Variants in SLC15A1 observed in about 807,000 individuals in gnomAD.
SLC15A1 encodes Caco-2 oligopeptide transporter.
Under a neutral mutation model 92.9 loss-of-function variants are expected in SLC15A1, and 83 were observed. The ratio of observed to expected loss-of-function variants is 0.89; its 90% confidence interval spans 0.75 to 1.07. The LOEUF (loss-of-function observed/expected upper bound fraction) is 1.07, where lower values mean the gene tolerates loss of function less well. SLC15A1 is among the 50% of genes least tolerant of loss of function. The pLI is 0.00. For missense variants in SLC15A1, 857 were observed against 880.1 expected (o/e 0.97, Z 0.33); for synonymous variants, 322 against 318.2 (o/e 1.01, Z -0.13).
intron 17 of SLC15A1, among the ~76,000 whole-genome samples, chr13:98,703,673 C>T (rs1046158773): frequency 2.0e-5 from 3 of 151,378 alleles, no homozygotes; most frequent in Middle Eastern, 3.4e-3. Flanking sequence ...CCTCGCACCC[C>T]AGCCACCCAA....
At chr13:98,692,739 TTTTA>T (rs2087990310) in intron 18 of SLC15A1, among the ~76,000 whole-genome samples, 1 of 152,050 alleles carries the variant, frequency 6.6e-6, no homozygotes, top group Non-Finnish European at 1.5e-5. Flanking sequence ...GGGTACTAAT[TTTTA>T]TTTATTTGTT....
intron 8 of SLC15A1, among the ~76,000 whole-genome samples, chr13:98,717,979 C>T (rs1345920658): frequency 2.0e-5 from 3 of 151,006 alleles, no homozygotes; most frequent in Non-Finnish European, 2.9e-5. Context: ...ACTAATGTGC[C>T]AATGAATGCC....
chr13:98,744,876 G>A (rs2088480755), intron 1 of SLC15A1, among the ~76,000 whole-genome samples: 1 of 151,564 alleles, frequency 6.6e-6, no homozygotes, highest in Non-Finnish European at 1.5e-5. Context: ...ATAGAATGCT[G>A]TTAAAATATT....
chr13:98,687,778 C>T (rs2139559793), intron 20 of SLC15A1, 54 bp from the exon 21 acceptor site: 1 of 1,595,462 alleles, frequency 6.3e-7, no homozygotes, highest in Non-Finnish European at 8.5e-7. Flanking sequence ...AAAATAAAAA[C>T]TGTTCGAACA....
At chr13:98,743,869 T>C (rs2088469994) in intron 1 of SLC15A1, among the ~76,000 whole-genome samples, 1 of 151,968 alleles carries the variant, frequency 6.6e-6, no homozygotes, top group African/African-American at 2.4e-5. Context: ...CAGAGCAGAC[T>C]CTAGAAGGAG....
intron 4 of SLC15A1, among the ~76,000 whole-genome samples, 197 bp from the exon 5 acceptor site, chr13:98,724,228 G>C (rs4350452): frequency 0.72 from 109,761 of 152,168 alleles, 40,040 homozygotes; most frequent in African/African-American, 0.84. Flanking sequence ...TTTGGGCTAG[G>C]CATGGTGGCT....
chr13:98,704,159 A>G, intron 17 of SLC15A1, 130 bp downstream of exon 17: 1 of 819,606 alleles, frequency 1.2e-6, no homozygotes, highest in Non-Finnish European at 1.8e-6. Flanking sequence ...CTTGTGTTCC[A>G]GAAGAAGGAA....
intron 1 of SLC15A1, among the ~76,000 whole-genome samples, chr13:98,740,403 G>A (rs956751573): frequency 4.6e-5 from 7 of 152,150 alleles, no homozygotes; most frequent in African/African-American, 1.7e-4. Context: ...CTTCCTGCAG[G>A]TGAAGCCCTA....
At position 98,719,310 on chromosome 13, in the gene SLC15A1, A is replaced by C; in HGVS notation, c.567T>G (p.Cys189Trp). 1 of 1,612,766 alleles carries C rather than the reference A, an allele frequency of 6.2e-7. No homozygotes were observed. Among genetic ancestry groups the C allele is most frequent in the African/African-American group, 1.3e-5 (1 of 75,006 alleles). The change falls in exon 8 of 23, where the codon TGT becomes TGG. Residue 189 changes from cysteine (C) to tryptophan (W), a missense_variant. By Grantham distance (215) the Cys-to-Trp change is radical. Transcript: ENST00000376503. ...IITPMLRVQQ[C>W]GIHSKQACYP... Reference sequence around the variant, plus strand: ...AACAAGCTTGTTTACTGTGAATTCCACATTGTTGAACTGGGGAGAAATGAC... The same window carrying C: ...AACAAGCTTGTTTACTGTGAATTCCCCATTGTTGAACTGGGGAGAAATGAC...
chr13:98,729,334 GA>G (rs1446288041), intron 1 of SLC15A1, among the ~76,000 whole-genome samples: 10 of 152,308 alleles, frequency 6.6e-5, no homozygotes, highest in African/African-American at 2.4e-4. Context: ...CTGCCCATAT[GA>G]AAAGCAGCTC....
intron 1 of SLC15A1, among the ~76,000 whole-genome samples, chr13:98,727,618 T>C (rs2088313054): frequency 1.3e-5 from 2 of 152,136 alleles, no homozygotes; most frequent in African/African-American, 4.8e-5. Context: ...ATGTGCATCC[T>C]AGGAGCGCCT....
At chr13:98,734,565 C>T (rs1294708616) in intron 1 of SLC15A1, among the ~76,000 whole-genome samples, 1 of 152,142 alleles carries the variant, frequency 6.6e-6, no homozygotes, top group African/African-American at 2.4e-5. Flanking sequence ...AAGTGGGACA[C>T]TCCTGCCTTA....
intron 4 of SLC15A1, among the ~76,000 whole-genome samples, chr13:98,725,880 TATGCCTTGC>T (rs2088294509): frequency 6.6e-6 from 1 of 152,124 alleles, no homozygotes; most frequent in Non-Finnish European, 1.5e-5. Flanking sequence ...TGTATGCCAC[TATGCCTTGC>T]TAATTTCTTT....
At chr13:98,739,597 G>A (rs2088425704) in intron 1 of SLC15A1, among the ~76,000 whole-genome samples, 1 of 152,102 alleles carries the variant, frequency 6.6e-6, no homozygotes, top group South Asian at 2.1e-4. Flanking sequence ...CCAGCCATGT[G>A]ACATGCCTGC....
intron 18 of SLC15A1, 37 bp from the exon 19 acceptor site, chr13:98,688,614 G>A: frequency 6.8e-7 from 1 of 1,466,270 alleles, no homozygotes; most frequent in East Asian, 2.3e-5. Flanking sequence ...AACTGAACTA[G>A]AGAATAATAT....
intron 18 of SLC15A1, among the ~76,000 whole-genome samples, chr13:98,692,104 T>C (rs1240773371): frequency 7.1e-6 from 1 of 141,318 alleles, no homozygotes; most frequent in Non-Finnish European, 1.5e-5. Context: ...TGGAAAGCTC[T>C]AATATGAGGA....
chr13:98,717,556 T>C (rs2088220665), intron 8 of SLC15A1, among the ~76,000 whole-genome samples: 1 of 152,182 alleles, frequency 6.6e-6, no homozygotes, highest in Non-Finnish European at 1.5e-5. Flanking sequence ...GCAAGACTTT[T>C]GGAAATGCTC....
At chr13:98,688,187 T>C in intron 20 of SLC15A1, 61 bp downstream of exon 20, 1 of 1,102,874 alleles carries the variant, frequency 9.1e-7, no homozygotes, top group South Asian at 1.3e-5. Flanking sequence ...TAAGTGTTTG[T>C]GAGTCTTCAT....
At position 98,688,336 on chromosome 13, in the gene SLC15A1, G is replaced by T; in HGVS notation, c.1595C>A (p.Ser532Ter). 1 of 1,613,826 alleles carries T rather than the reference G, an allele frequency of 6.2e-7. No homozygotes were observed. Among genetic ancestry groups the T allele is most frequent in the South Asian group, 1.1e-5 (1 of 91,002 alleles). ...PSGIKGFTISSTEIPPQCQPN... is the reference protein window; with the variant it reads ...PSGIKGFTIS ...TTGACATTGTGGCGGAATCTCTGTT[G>T]AGCTTATTGTGAAGCCTTTTCTATC... Residue 532 changes from serine to a stop codon, truncating the protein, a stop_gained, in exon 20 of 23, where the codon TCA becomes TAA. Transcript: ENST00000376503. LOFTEE classifies it high-confidence loss of function.
Sources: gnomAD v4.1 joint callset for allele counts (sites outside exome capture counted in the v4.1 genomes callset) on GRCh38, gnomAD v4.1.1 for gene constraint, MANE v1.5 for transcripts, NCBI Gene and HGNC (gene_info 2026-07-23, HGNC 2026-07-21) for gene names.